The following MPHOSPH8 variants were observed in gnomAD, a reference collection of about 807,000 sequenced individuals.
The protein encoded by MPHOSPH8 is M-phase phosphoprotein 8, also known as M-phase phosphoprotein, mpp.
In MPHOSPH8, 45 loss-of-function variants were observed where a neutral mutation model predicts 87.3. The observed-to-expected ratio is 0.52, with a 90% CI of 0.41 to 0.66. The LOEUF (loss-of-function observed/expected upper bound fraction) is 0.66, where lower values mean the gene tolerates loss of function less well. MPHOSPH8 is among the 30% of genes least tolerant of loss of function. The probability of loss-of-function intolerance (pLI) is 0.00; values close to 1 mark genes in which losing one functional copy is unlikely to be tolerated. For synonymous variants in MPHOSPH8, 366 were observed against 376.9 expected, an observed-to-expected ratio of 0.97 and a Z score of 0.33; for missense variants, 883 against 1,020.2, an observed-to-expected ratio of 0.87 and a Z score of 1.83.
At chr13:19,636,444 T>C (rs1274265970) in intron 1 of MPHOSPH8, among the ~76,000 whole-genome samples, 1 of 152,088 alleles carries the variant, frequency 6.6e-6, no homozygotes. Flanking sequence ...TTTGGGGTAA[T>C]AGAGTAAGCA....
chr13:19,665,798 A>G (rs1378802642), intron 9 of MPHOSPH8, among the ~76,000 whole-genome samples: 1 of 152,182 alleles, frequency 6.6e-6, no homozygotes, highest in Non-Finnish European at 1.5e-5. Context: ...GAATTAAGGG[A>G]CTTATCTGAA....
intron 1 of MPHOSPH8, among the ~76,000 whole-genome samples, chr13:19,638,371 T>G: frequency 6.6e-6 from 1 of 152,046 alleles, no homozygotes; most frequent in East Asian, 1.9e-4. Flanking sequence ...TCCCAGCACT[T>G]TGGGAAGCCG....
At chr13:19,651,394 G>A (rs2137518478) in intron 5 of MPHOSPH8, among the ~76,000 whole-genome samples, 1 of 152,206 alleles carries the variant, frequency 6.6e-6, no homozygotes, top group East Asian at 1.9e-4. Context: ...GGGCGTGGCA[G>A]TGTGCACCTG....
intron 10 of MPHOSPH8, among the ~76,000 whole-genome samples, chr13:19,667,322 C>T (rs920794098): frequency 1.3e-5 from 2 of 152,200 alleles, no homozygotes; most frequent in Non-Finnish European, 2.9e-5. Flanking sequence ...AGATCCCAGT[C>T]ACCCACAGTG....
intron 1 of MPHOSPH8, among the ~76,000 whole-genome samples, chr13:19,641,082 A>G (rs887801941): frequency 7.9e-5 from 12 of 152,164 alleles, no homozygotes; most frequent in African/African-American, 2.9e-4. Context: ...GTACTGCTTT[A>G]TGGAATCAGA....
chr13:19,651,325 G>C (rs1268692427), intron 5 of MPHOSPH8, among the ~76,000 whole-genome samples: 1 of 152,110 alleles, frequency 6.6e-6, no homozygotes, highest in Non-Finnish European at 1.5e-5. Flanking sequence ...TCAGGAGTTG[G>C]AGACCAGCCT....
chr13:19,659,577 T>C (rs1875394244), intron 7 of MPHOSPH8: 1 of 381,436 alleles, frequency 2.6e-6, no homozygotes, highest in African/African-American at 2.1e-5. Context: ...GGTGACAGGA[T>C]CACCTGAGCC....
At chr13:19,636,527 G>A (rs1347036708) in intron 1 of MPHOSPH8, among the ~76,000 whole-genome samples, 1 of 151,178 alleles carries the variant, frequency 6.6e-6, no homozygotes, top group Non-Finnish European at 1.5e-5. Context: ...TGCCCAGGCT[G>A]GAGTGCATTG....
At position 19,670,168 on chromosome 13, in the gene MPHOSPH8, G is replaced by T. The variant is rs1249082456; in HGVS notation, c.2330-68G>T. On this transcript the variant is annotated intron_variant, in intron 11 of 13. Coordinates refer to ENST00000361479, the MANE Select transcript of MPHOSPH8 (RefSeq NM_017520.4). ...CAGCTCAGGGGCCTGCTTCCATCTG[G>T]TGTTGAGTGTTCCTCTGGGGACTGA... 8 of 1,585,270 alleles carry T rather than the reference G, an allele frequency of 5.0e-6. No individual in the cohort carries two copies. The East Asian group carries it at 1.6e-4, about 31-fold the overall frequency.
chr13:19,647,436 C>A (rs1874628836), intron 3 of MPHOSPH8, 145 bp downstream of exon 3: 14 of 638,992 alleles, frequency 2.2e-5, no homozygotes, highest in Non-Finnish European at 3.1e-5. Context: ...TTGGACACCG[C>A]AGCTTATCTC....
intron 10 of MPHOSPH8, 144 bp from the exon 11 acceptor site, chr13:19,668,233 G>T (rs916653075): frequency 9.1e-6 from 6 of 658,978 alleles, no homozygotes; most frequent in Middle Eastern, 4.2e-4. Context: ...TCAGGTGCTT[G>T]GTGGAAGTAG....
chr13:19,636,566 C>T (rs992991412), intron 1 of MPHOSPH8, among the ~76,000 whole-genome samples: 1 of 151,570 alleles, frequency 6.6e-6, no homozygotes, highest in Non-Finnish European at 1.5e-5. Context: ...GCAGCCTTGA[C>T]CTCCCAGGCT....
Position 19,661,721 on chromosome 13 carries a change from G to T in MPHOSPH8, c.1815G>T (p.Val605=). ...AGGATTCCAGTGGAATGACACTGGTGATGCTTGCCGCCGCCGGAGGGCAGG... is the reference window on the plus strand; with the variant it reads ...AGGATTCCAGTGGAATGACACTGGTTATGCTTGCCGCCGCCGGAGGGCAGG... ...DQEDSSGMTL[V]MLAAAGGQDD... The change falls in exon 8 of 14, where the codon GTG becomes GTT. Residue 605 remains valine, a synonymous_variant. Transcript: ENST00000361479. 1 of 1,609,696 alleles carries T rather than the reference G, an allele frequency of 6.2e-7. No homozygotes were observed. Among genetic ancestry groups the T allele is most frequent in the Non-Finnish European group, 8.5e-7 (1 of 1,176,998 alleles).
chr13:19,651,756 G>GA (rs1874862914), intron 5 of MPHOSPH8, among the ~76,000 whole-genome samples: 3 of 151,902 alleles, frequency 2.0e-5, no homozygotes, highest in African/African-American at 4.8e-5. Context: ...AATTCCTTGG[G>GA]AAAAAAATAA....
chr13:19,634,807 CTG>C, intron 1 of MPHOSPH8, among the ~76,000 whole-genome samples: 1 of 152,310 alleles, frequency 6.6e-6, no homozygotes, highest in South Asian at 2.1e-4. Flanking sequence ...AGAAAACAAT[CTG>C]TTTCAGTAGA....
intron 5 of MPHOSPH8, among the ~76,000 whole-genome samples, chr13:19,656,574 A>T (rs949539065): frequency 1.2e-4 from 18 of 152,186 alleles, no homozygotes; most frequent in African/African-American, 4.1e-4. Context: ...AGCCTGGCCA[A>T]CATGGTGAAA....
At position 19,672,510 on chromosome 13, in the gene MPHOSPH8, A is replaced by AC. The variant is rs1461432555; in HGVS notation, c.*635_*636insC. 2 of 152,150 alleles carry AC rather than the reference A, an allele frequency of 1.3e-5. No homozygotes were observed. Among genetic ancestry groups the AC allele is most frequent in the African/African-American group, 2.4e-5 (1 of 41,342 alleles). 9.4% of individuals were successfully genotyped at this position (152,150 alleles called of 1,614,324 possible). ...GAACTTCTGTGCTTAAAAAAAAAAA[A>AC]AAAAAAAGGAAAAATTCAGCTCTAA... On this transcript the variant is annotated 3_prime_UTR_variant, in exon 14 of 14. Transcript: ENST00000361479.
At chr13:19,670,997 TTTTTGTAGA>T in intron 12 of MPHOSPH8, 200 bp from the exon 13 acceptor site, 1 of 1,233,384 alleles carries the variant, frequency 8.1e-7, no homozygotes, top group Non-Finnish European at 1.1e-6. Context: ...TTTTTTGTAT[TTTTTGTAGA>T]GATGGGGTTT....
At chr13:19,634,086 C>A in intron 1 of MPHOSPH8, 125 bp downstream of exon 1, 1 of 972,924 alleles carries the variant, frequency 1.0e-6, no homozygotes, top group Non-Finnish European at 1.6e-6. Flanking sequence ...GAGTTCAATG[C>A]AAGCACGCGA....
Sources: gnomAD v4.1 joint callset for allele counts (sites outside exome capture counted in the v4.1 genomes callset) on GRCh38, gnomAD v4.1.1 for gene constraint, MANE v1.5 for transcripts, NCBI Gene and HGNC (gene_info 2026-07-23, HGNC 2026-07-21) for gene names.